Variants in PCCA observed in about 807,000 individuals in gnomAD.
The protein encoded by PCCA is propionyl-CoA carboxylase alpha chain, mitochondrial.
PCCA carries 74 observed loss-of-function variants against 101.3 expected under a neutral mutation model. The ratio of observed to expected loss-of-function variants is 0.73; its 90% CI spans 0.61 to 0.89. The LOEUF (loss-of-function observed/expected upper bound fraction) is 0.89. Among genes scored for constraint, PCCA ranks in the 40% least tolerant of loss-of-function variants. PCCA has a pLI of 0.00. For missense variants in PCCA, 891 were observed against 907.0 expected (o/e 0.98, Z 0.23); for synonymous variants, 294 against 313.6 (o/e 0.94, Z 0.66).
chr13:100,336,291 C>A (rs1292458737), intron 17 of PCCA, among the ~76,000 whole-genome samples: 2 of 152,086 alleles, frequency 1.3e-5, no homozygotes, highest in Non-Finnish European at 2.9e-5. Context: ...AACACACACC[C>A]AAAAAACAGA....
In PCCA at chr13:100,288,130, G is replaced by A. The variant is rs371628025; in HGVS notation, c.1066-13330G>A. Among the ~76,000 whole-genome samples, 22 of 152,100 alleles carry A rather than the reference G, an allele frequency of 1.4e-4. No homozygotes were observed. The East Asian group carries it at 3.7e-3, about 25-fold the overall frequency. ...GAGTTTTTATCATAATTTTAAAAAC[G>A]AACTTTATTTGTTAGAGCAGTTTTG... On this transcript the variant is annotated intron_variant, in intron 12 of 23. Transcript: ENST00000376285.
At chr13:100,497,528 A>G (rs2085361554) in intron 21 of PCCA, among the ~76,000 whole-genome samples, 1 of 151,552 alleles carries the variant, frequency 6.6e-6, no homozygotes, top group African/African-American at 2.4e-5. Context: ...GGTAGCAGAT[A>G]CTATCACAGC....
At chr13:100,504,475 C>G (rs2085915338) in intron 21 of PCCA, among the ~76,000 whole-genome samples, 1 of 152,202 alleles carries the variant, frequency 6.6e-6, no homozygotes, top group African/African-American at 2.4e-5. Flanking sequence ...ATTTAGATCC[C>G]TGTGTGTTGA....
intron 2 of PCCA, among the ~76,000 whole-genome samples, chr13:100,105,377 C>T (rs965612086): frequency 2.0e-5 from 3 of 152,100 alleles, no homozygotes; most frequent in East Asian, 1.9e-4. Flanking sequence ...ATTCCAATCT[C>T]GAAGTAATCA....
At chr13:100,416,836 T>G (rs2078403031) in intron 19 of PCCA, among the ~76,000 whole-genome samples, 1 of 151,148 alleles carries the variant, frequency 6.6e-6, no homozygotes, top group African/African-American at 2.4e-5. Flanking sequence ...GTATTATGTA[T>G]ATTCTTTTTG....
intron 7 of PCCA, among the ~76,000 whole-genome samples, chr13:100,226,566 T>C (rs7318781): frequency 0.71 from 108,624 of 152,086 alleles, 40,133 homozygotes; most frequent in African/African-American, 0.91. Flanking sequence ...CTGCGCTTCC[T>C]TGTGTTTTGC....
At chr13:100,411,280 C>T (rs778468110) in intron 19 of PCCA, among the ~76,000 whole-genome samples, 9 of 148,300 alleles carry the variant, frequency 6.1e-5, no homozygotes, top group Non-Finnish European at 1.2e-4. Flanking sequence ...GGCTGGAGTG[C>T]AGTGGCACGA....
intron 7 of PCCA, among the ~76,000 whole-genome samples, chr13:100,232,381 T>TGTGTGTGTGA (rs2060542454): frequency 6.7e-6 from 1 of 150,264 alleles, no homozygotes; most frequent in South Asian, 2.1e-4. Flanking sequence ...TGTGTGTGTG[T>TGTGTGTGTGA]GTGTGTGTGT....
chr13:100,267,284 T>C (rs1013659699), intron 10 of PCCA, among the ~76,000 whole-genome samples: 10 of 152,230 alleles, frequency 6.6e-5, no homozygotes, highest in Non-Finnish European at 1.3e-4. Context: ...ATTTACTTCA[T>C]GCAGCCACCT....
intron 12 of PCCA, among the ~76,000 whole-genome samples, chr13:100,282,460 T>C (rs1427486316): frequency 6.6e-6 from 1 of 152,182 alleles, no homozygotes; most frequent in Non-Finnish European, 1.5e-5. Context: ...AGGCGCAAGC[T>C]GGAACTGGGG....
intron 19 of PCCA, among the ~76,000 whole-genome samples, chr13:100,388,286 T>C (rs1039317238): frequency 1.3e-5 from 2 of 151,346 alleles, no homozygotes; most frequent in Non-Finnish European, 2.9e-5. Context: ...CTGGGCAACA[T>C]AGTGAGACCC....
intron 16 of PCCA, among the ~76,000 whole-genome samples, chr13:100,328,661 A>G (rs1488458159): frequency 3.8e-5 from 5 of 130,308 alleles, no homozygotes; most frequent in African/African-American, 5.5e-5. Context: ...TTTTTTGTCT[A>G]TGTTGTTAGG....
At chr13:100,299,385 A>T (rs2065877375) in intron 12 of PCCA, among the ~76,000 whole-genome samples, 1 of 152,242 alleles carries the variant, frequency 6.6e-6, no homozygotes, top group Non-Finnish European at 1.5e-5. Context: ...TTTAAAAGAC[A>T]TGTATACATA....
intron 6 of PCCA, among the ~76,000 whole-genome samples, chr13:100,172,790 C>T (rs2055826234): frequency 6.6e-6 from 1 of 152,208 alleles, no homozygotes. Flanking sequence ...AACTCATTTG[C>T]TCTTCCTAGC....
chr13:100,245,858 C>G (rs142102911), intron 8 of PCCA, among the ~76,000 whole-genome samples: 1 of 152,174 alleles, frequency 6.6e-6, no homozygotes, highest in Admixed American at 6.5e-5. Flanking sequence ...AGCTTGTAAT[C>G]CCTTGGAGGT....
At chr13:100,262,674 C>T (rs2152564782) in intron 9 of PCCA, 55 bp from the exon 10 acceptor site, 2 of 784,166 alleles carry the variant, frequency 2.6e-6, no homozygotes, top group Non-Finnish European at 4.6e-6. Flanking sequence ...CCTTCTTCCC[C>T]TTCCCCTTCC....
At chr13:100,154,106 A>C (rs1262287351) in intron 4 of PCCA, among the ~76,000 whole-genome samples, 1 of 151,938 alleles carries the variant, frequency 6.6e-6, no homozygotes, top group African/African-American at 2.4e-5. Flanking sequence ...TCCAGTTTTT[A>C]TATCTGCCTT....
rs563084464 is a variant in PCCA, at chr13:100,279,137, C to A, written c.1065+5791C>A. Among the ~76,000 whole-genome samples the A allele has an allele frequency of 3.9e-5, 6 of 152,264 alleles. No individual in the cohort carries two copies. The Middle Eastern group carries it at 0.014, about 345-fold the overall frequency. Reference sequence around the variant, plus strand: ...TCCCAAGGTCTCTGACTGATTAGAGCTCTTGTTCACGAACAGAGCTCTGAT... The same window carrying A: ...TCCCAAGGTCTCTGACTGATTAGAGATCTTGTTCACGAACAGAGCTCTGAT... On this transcript the variant is annotated intron_variant, in intron 12 of 23. Transcript: ENST00000376285.
intron 8 of PCCA, among the ~76,000 whole-genome samples, chr13:100,251,928 T>A (rs2061776930): frequency 6.6e-6 from 1 of 152,146 alleles, no homozygotes; most frequent in South Asian, 2.1e-4. Flanking sequence ...AATATCATGG[T>A]CATGAAGAAC....
Sources: allele counts gnomAD v4.1 joint callset (sites outside exome capture counted in the v4.1 genomes callset), GRCh38; gene constraint gnomAD v4.1.1; transcripts MANE v1.5; gene names NCBI Gene and HGNC (gene_info 2026-07-23, HGNC 2026-07-21).